SBNO1: variants seen among roughly 807,000 people sequenced by gnomAD.
SBNO1 encodes protein strawberry notch homolog 1.
Under a neutral mutation model 173.6 loss-of-function variants are expected in SBNO1, and 23 were observed. That is an observed-to-expected ratio of 0.13 (90% CI 0.10 to 0.19). The LOEUF (loss-of-function observed/expected upper bound fraction) is 0.19, where lower values mean the gene tolerates loss of function less well. Ranked by LOEUF, SBNO1 falls within the 10% of genes least tolerant of loss-of-function variation. SBNO1 has a pLI of 1.00. For missense variants in SBNO1, 1,238 were observed against 1,671.2 expected, an observed-to-expected ratio of 0.74 and a Z score of 4.52; for synonymous variants, 632 against 571.5, an observed-to-expected ratio of 1.11 and a Z score of -1.51.
intron 25 of SBNO1, 120 bp downstream of exon 25, chr12:123,310,935 C>T (rs1310733954): frequency 1.3e-6 from 1 of 755,410 alleles, no homozygotes. Context: ...CCACAGCAGC[C>T]AAAACCACCC....
chr12:123,359,386 T>C (rs1050368172), intron 1 of SBNO1, among the ~76,000 whole-genome samples: 1 of 151,378 alleles, frequency 6.6e-6, no homozygotes, highest in African/African-American at 2.4e-5. Flanking sequence ...CATATACATA[T>C]ATGTCTCTAC....
At chr12:123,304,801 A>G in intron 28 of SBNO1, 82 bp from the exon 29 acceptor site, 2 of 973,040 alleles carry the variant, frequency 2.1e-6, no homozygotes, top group Non-Finnish European at 3.1e-6. Context: ...GTCAGCAAAC[A>G]TAATCATTTG....
chr12:123,306,368 G>A (rs1317114554), intron 28 of SBNO1, among the ~76,000 whole-genome samples: 1 of 152,166 alleles, frequency 6.6e-6, no homozygotes, highest in East Asian at 1.9e-4. Flanking sequence ...TAATGCAGTG[G>A]AGGTTCAAAG....
chr12:123,304,678 C>G lies in SBNO1; in HGVS notation c.3672G>C (p.Val1224=), dbSNP rs1438440696. The G allele has an allele frequency of 6.4e-7, 1 of 1,554,638 alleles. No individual in the cohort carries two copies. Among genetic ancestry groups the G allele is most frequent in the Non-Finnish European group, 8.9e-7 (1 of 1,129,446 alleles). The change falls in exon 29 of 32, where the codon GTG becomes GTC. Residue 1224 remains valine, a synonymous_variant. Coordinates refer to ENST00000602398, the MANE Select transcript of SBNO1 (RefSeq NM_001167856.3). ...NKKTAILVKE[V]NPKKKLFLVY... ...CTAAGAAAAGTTTCTTTTTAGGATT[C>G]ACTTCTTTAACTAAGATGGCAGTTT...
Position 123,304,619 on chromosome 12 carries a change from A to G in SBNO1, c.3731T>C (p.Leu1244Ser), listed in dbSNP as rs1255026789. Residue 1244 changes from leucine (L) to serine (S), a missense_variant, in exon 29 of 32, where the codon TTA (leucine) becomes TCA (serine). Transcript: ENST00000602398. ...YRPNTGKQLK[L>S]EIYADLKKKY... ...CTTTTTTAGATCAGCATAAATTTCT[A>G]ATTTGAGCTGCTTCCCAGTATTTGG... The G allele has an allele frequency of 6.4e-7, 1 of 1,567,988 alleles. No homozygotes were observed. The highest frequency in any genetic ancestry group is 8.8e-7 in the Non-Finnish European group (1 of 1,139,230).
intron 7 of SBNO1, among the ~76,000 whole-genome samples, chr12:123,333,610 C>T (rs1367373827): frequency 6.6e-6 from 1 of 151,954 alleles, no homozygotes; most frequent in Non-Finnish European, 1.5e-5. Context: ...GATTCCCCTA[C>T]CTCAGCTTCC....
intron 28 of SBNO1, among the ~76,000 whole-genome samples, chr12:123,308,836 G>T: frequency 6.6e-6 from 1 of 152,118 alleles, no homozygotes; most frequent in Non-Finnish European, 1.5e-5. Context: ...GGGCACAGTG[G>T]CTCACGCCTC....
chr12:123,326,121 A>G (rs201643694), intron 14 of SBNO1, 31 bp downstream of exon 14: 4 of 1,394,800 alleles, frequency 2.9e-6, no homozygotes, highest in Admixed American at 3.9e-5. Flanking sequence ...CATAACCCCC[A>G]AACAATCTCT....
intron 15 of SBNO1, 143 bp downstream of exon 15, chr12:123,325,359 G>C (rs1870500964): frequency 4.9e-6 from 3 of 617,342 alleles, no homozygotes; most frequent in Non-Finnish European, 8.6e-6. Flanking sequence ...CACTGTTACA[G>C]AAAAGCAGAA....
chr12:123,324,755 T>C (rs1298300578), intron 15 of SBNO1, among the ~76,000 whole-genome samples: 1 of 152,312 alleles, frequency 6.6e-6, no homozygotes, highest in East Asian at 1.9e-4. Flanking sequence ...TTTTAAAATC[T>C]ATTTCTGAAG....
chr12:123,299,694 A>AAAAAC (rs2048722305), intron 30 of SBNO1, among the ~76,000 whole-genome samples: 2 of 150,714 alleles, frequency 1.3e-5, no homozygotes, highest in Non-Finnish European at 3.0e-5. Flanking sequence ...AAAAAAAAAA[A>AAAAAC]AAAAACAAAA....
intron 1 of SBNO1, among the ~76,000 whole-genome samples, chr12:123,359,509 C>T (rs960276766): frequency 2.0e-5 from 3 of 149,734 alleles, no homozygotes; most frequent in Non-Finnish European, 4.4e-5. Flanking sequence ...TTGCCAAGAT[C>T]GCACTCGTGC....
At position 123,302,959 on chromosome 12, in the gene SBNO1, T is replaced by TA. The variant is rs1206700067; in HGVS notation, c.3769-60dup. 2.6e-5 allele frequency: 33 copies of TA among 1,266,158 alleles called. No individual in the cohort carries two copies. In the Admixed American group the frequency reaches 4.6e-4, roughly 18 times the overall value. 78.4% of individuals were successfully genotyped at this position (1,266,158 alleles called of 1,614,324 possible). A position where few individuals can be genotyped will look rare whatever the true frequency, so the allele number is the denominator to read the frequency against. ...TATTGCTTTAAATAAACTGGTTACC[T>TA]AGTCTGGTCTGTAATTCTAGAGGTA... On this transcript the variant is annotated intron_variant, in intron 29 of 31. Coordinates refer to ENST00000602398, the MANE Select transcript of SBNO1 (RefSeq NM_001167856.3).
In SBNO1 at chr12:123,364,698, T is replaced by C. The variant is rs1230450496; in HGVS notation, c.-1+3A>G. The C allele has an allele frequency of 1.0e-5, 10 of 983,022 alleles. No homozygotes were observed. The East Asian group carries it at 9.2e-4, about 90-fold the overall frequency. The allele number at this position is 983,022 out of a possible 1,614,324, so 60.9% of individuals were successfully genotyped here. A position where few individuals can be genotyped will look rare whatever the true frequency, so the allele number is the denominator to read the frequency against. Reference sequence around the variant, plus strand: ...GGAGAAAAGGGCCAAGGGAAGGACTTACTTTCCCCGCGGGACCCGGCGCCA... The same window carrying C: ...GGAGAAAAGGGCCAAGGGAAGGACTCACTTTCCCCGCGGGACCCGGCGCCA... On this transcript the variant is annotated splice_donor_region_variant and intron_variant, in intron 1 of 31. Transcript: ENST00000602398.
intron 6 of SBNO1, among the ~76,000 whole-genome samples, chr12:123,335,924 G>T (rs563813748): frequency 6.6e-6 from 1 of 152,146 alleles, no homozygotes; most frequent in African/African-American, 2.4e-5. Context: ...CAATTCAAAT[G>T]GTATTATTAG....
At chr12:123,338,549 A>C (rs897262828) in intron 5 of SBNO1, among the ~76,000 whole-genome samples, 2 of 151,852 alleles carry the variant, frequency 1.3e-5, no homozygotes, top group African/African-American at 4.8e-5. Context: ...AGCAGGGCGT[A>C]GTGGCGGGCG....
Position 123,311,065 on chromosome 12 carries a change from A to C in SBNO1, c.3285T>G (p.Thr1095=). 1.2e-6 allele frequency: 2 copies of C among 1,611,240 alleles called. No homozygotes were observed. Among genetic ancestry groups the C allele is most frequent in the Non-Finnish European group, 1.7e-6 (2 of 1,177,450 alleles). ...AGCTAATAGTAGTACCTTTATCGAG[A>C]GTAAGAATTCCCGAGCGATCTTCTA... ...INVEDRSGIL[T]LDKDYNNIGK... The change falls in exon 25 of 32, where the codon ACT becomes ACG. Residue 1095 remains threonine, a synonymous_variant. Coordinates refer to ENST00000602398, the MANE Select transcript of SBNO1 (RefSeq NM_001167856.3).
At chr12:123,357,946 G>A (rs1874651679) in intron 1 of SBNO1, among the ~76,000 whole-genome samples, 1 of 152,182 alleles carries the variant, frequency 6.6e-6, no homozygotes, top group African/African-American at 2.4e-5. Flanking sequence ...ATTGAGTTGG[G>A]GGGAATTAAA....
chr12:123,356,499 G>C (rs575371714), intron 1 of SBNO1, among the ~76,000 whole-genome samples: 1 of 152,156 alleles, frequency 6.6e-6, no homozygotes, highest in Non-Finnish European at 1.5e-5. Context: ...GCAATGGCAC[G>C]ATCTCAGCTC....
Sources: allele counts gnomAD v4.1 joint callset (sites outside exome capture counted in the v4.1 genomes callset), GRCh38; gene constraint gnomAD v4.1.1; transcripts MANE v1.5; gene names NCBI Gene and HGNC (gene_info 2026-07-23, HGNC 2026-07-21).